MEIS1: variants seen among roughly 807,000 people sequenced by gnomAD.
MEIS1 encodes homeobox protein Meis1.
Under a neutral mutation model 50.8 loss-of-function variants are expected in MEIS1, and 5 were observed. The ratio of observed to expected loss-of-function variants is 0.10; its 90% CI spans 0.05 to 0.21. The LOEUF (loss-of-function observed/expected upper bound fraction) is 0.21, where lower values mean the gene tolerates loss of function less well. Ranked by LOEUF, MEIS1 falls within the 10% of genes least tolerant of loss-of-function variation. The pLI is 1.00. For synonymous variants in MEIS1, 176 were observed against 179.3 expected, an observed-to-expected ratio of 0.98 and a Z score of 0.15; for missense variants, 318 against 517.3, an observed-to-expected ratio of 0.61 and a Z score of 3.74.
chr2:66,525,230 A>C, intron 8 of MEIS1, among the ~76,000 whole-genome samples: 1 of 151,818 alleles, frequency 6.6e-6, no homozygotes, highest in Non-Finnish European at 1.5e-5. Context: ...AACAAACAAA[A>C]AACAACAAAC....
At chr2:66,494,155 C>T (rs984292493) in intron 7 of MEIS1, among the ~76,000 whole-genome samples, 10 of 152,150 alleles carry the variant, frequency 6.6e-5, no homozygotes, top group South Asian at 2.1e-4. Context: ...TGTTCTCAGC[C>T]TTCTCACTCC....
intron 6 of MEIS1, chr2:66,443,683 C>G (rs1239928040): frequency 1.3e-5 from 2 of 152,324 alleles, no homozygotes; most frequent in Admixed American, 6.5e-5. Context: ...GTTATAAAAA[C>G]AGATAAATAT....
chr2:66,488,542 G>A (rs1673196400), intron 7 of MEIS1, among the ~76,000 whole-genome samples: 1 of 152,106 alleles, frequency 6.6e-6, no homozygotes, highest in East Asian at 1.9e-4. Flanking sequence ...GCCGGGCATG[G>A]TGGTGGGCGC....
chr2:66,539,723 C>T (rs1674605230), intron 8 of MEIS1, among the ~76,000 whole-genome samples: 1 of 152,218 alleles, frequency 6.6e-6, no homozygotes, highest in African/African-American at 2.4e-5. Flanking sequence ...TTCTTCCACT[C>T]TTATTAATAC....
chr2:66,512,814 A>C (rs1673866643), intron 8 of MEIS1, among the ~76,000 whole-genome samples: 1 of 152,220 alleles, frequency 6.6e-6, no homozygotes, highest in Non-Finnish European at 1.5e-5. Flanking sequence ...CTCCACAGTG[A>C]AAGTTGTCCC....
intron 6 of MEIS1, among the ~76,000 whole-genome samples, chr2:66,447,924 CAAAGT>C (rs764690501): frequency 6.6e-6 from 1 of 152,170 alleles, no homozygotes; most frequent in Non-Finnish European, 1.5e-5. Flanking sequence ...CTACTTTGTA[CAAAGT>C]AAAGCCTCAT....
chr2:66,504,881 A>G (rs1326766448), intron 7 of MEIS1, among the ~76,000 whole-genome samples: 2 of 152,208 alleles, frequency 1.3e-5, no homozygotes, highest in East Asian at 3.9e-4. Context: ...GTGGTAAAAT[A>G]TATGAGAATA....
intron 8 of MEIS1, among the ~76,000 whole-genome samples, chr2:66,514,679 C>G (rs1376803889): frequency 6.6e-6 from 1 of 152,140 alleles, no homozygotes; most frequent in African/African-American, 2.4e-5. Flanking sequence ...TGATAATGGT[C>G]TGTAGATAGC....
At chr2:66,438,904 C>G (rs898903661) in intron 2 of MEIS1, among the ~76,000 whole-genome samples, 2 of 151,912 alleles carry the variant, frequency 1.3e-5, no homozygotes, top group African/African-American at 4.8e-5. Flanking sequence ...TAATTCCCAC[C>G]GTTCTGTCCG....
At chr2:66,523,784 T>C (rs1293183063) in intron 8 of MEIS1, among the ~76,000 whole-genome samples, 3 of 152,228 alleles carry the variant, frequency 2.0e-5, no homozygotes, top group African/African-American at 4.8e-5. Context: ...GTAGGTTGAC[T>C]GTCATAGCGT....
chr2:66,500,441 T>C (rs1012830365), intron 7 of MEIS1, among the ~76,000 whole-genome samples: 4 of 152,294 alleles, frequency 2.6e-5, no homozygotes, highest in African/African-American at 9.6e-5. Context: ...TTATTTTTTA[T>C]TGAGATGGAG....
intron 9 of MEIS1, among the ~76,000 whole-genome samples, chr2:66,560,100 C>CTTT (rs70947304): frequency 8.0e-6 from 1 of 124,936 alleles, no homozygotes; most frequent in Admixed American, 8.0e-5. Context: ...CCTGCCATCA[C>CTTT]TTTTTTTTTT....
intron 6 of MEIS1, among the ~76,000 whole-genome samples, chr2:66,449,856 C>T (rs1672238895): frequency 6.6e-6 from 1 of 152,064 alleles, no homozygotes; most frequent in African/African-American, 2.4e-5. Flanking sequence ...ATTTTATATT[C>T]TTGACTTCTT....
intron 4 of MEIS1, 62 bp downstream of exon 4, chr2:66,440,674 C>T (rs1342477606): frequency 2.5e-6 from 3 of 1,212,700 alleles, no homozygotes; most frequent in Admixed American, 2.0e-5. Flanking sequence ...CCTCCAACGC[C>T]CTCAGCTTTG....
At chr2:66,446,546 T>G (rs1672152205) in intron 6 of MEIS1, among the ~76,000 whole-genome samples, 1 of 152,056 alleles carries the variant, frequency 6.6e-6, no homozygotes. Context: ...GGCAGAGAAA[T>G]GGTCCCTTTG....
chr2:66,489,757 A>G (rs150435592), intron 7 of MEIS1, among the ~76,000 whole-genome samples: 114 of 152,344 alleles, frequency 7.5e-4, no homozygotes, highest in African/African-American at 2.4e-3. Context: ...GGAAGCCTGG[A>G]TAAGAGTTAA....
At chr2:66,561,852 A>G (rs550378689) in intron 9 of MEIS1, among the ~76,000 whole-genome samples, 169 of 152,192 alleles carry the variant, frequency 1.1e-3, no homozygotes, top group Non-Finnish European at 2.0e-3. Context: ...GGTGAAGCAG[A>G]GCCATGTCAT....
rs1673857612 is a variant in MEIS1, at chr2:66,512,519, TA to T, written c.888+229del. Among the ~76,000 whole-genome samples the T allele has an allele frequency of 2.0e-5, 3 of 152,338 alleles. No homozygotes were observed. The East Asian group carries it at 5.8e-4, about 29-fold the overall frequency. On this transcript the variant is annotated intron_variant, in intron 8 of 12. Transcript: ENST00000272369. ...TGCGATTTTGTTAACTTTCATAAGT[TA>T]AAAGATTTAGGTGTTCATGTGCACT...
chr2:66,440,068 A>AACCCACACACAC, intron 3 of MEIS1, 84 bp downstream of exon 3: 2 of 777,640 alleles, frequency 2.6e-6, no homozygotes, highest in Non-Finnish European at 4.0e-6. Context: ...CGCGCGCGCG[A>AACCCACACACAC]ACACACACAC....
Sources: gnomAD v4.1 joint callset for allele counts (sites outside exome capture counted in the v4.1 genomes callset) on GRCh38, gnomAD v4.1.1 for gene constraint, MANE v1.5 for transcripts, NCBI Gene and HGNC (gene_info 2026-07-23, HGNC 2026-07-21) for gene names.